Variants in INPP4B observed in about 807,000 individuals in gnomAD.
INPP4B encodes the protein inositol polyphosphate 4-phosphatase type II.
In INPP4B, 55 loss-of-function variants were observed where a neutral mutation model predicts 122.5. That is an observed-to-expected ratio of 0.45 (90% CI 0.36 to 0.56). INPP4B has a LOEUF of 0.56. INPP4B is among the 20% of genes least tolerant of loss of function. INPP4B has a pLI of 0.00. For missense variants in INPP4B, 1,000 were observed against 1,097.7 expected (o/e 0.91, Z 1.26); for synonymous variants, 403 against 388.7 (o/e 1.04, Z -0.43).
At chr4:142,382,854 G>A (rs1052502433) in intron 7 of INPP4B, among the ~76,000 whole-genome samples, 48 of 151,046 alleles carry the variant, frequency 3.2e-4, no homozygotes, top group Non-Finnish European at 3.7e-4. Context: ...TTTTCTCATC[G>A]TCTTTCCTAC....
At chr4:142,355,862 C>T in intron 7 of INPP4B, among the ~76,000 whole-genome samples, 1 of 146,736 alleles carries the variant, frequency 6.8e-6, no homozygotes, top group East Asian at 2.0e-4. Context: ...GGAGAGAAGC[C>T]TTTTTTTTTT....
chr4:142,514,818 C>T (rs1461382596), intron 2 of INPP4B, among the ~76,000 whole-genome samples: 3 of 118,624 alleles, frequency 2.5e-5, no homozygotes, highest in Non-Finnish European at 3.3e-5. Flanking sequence ...TTTTTTGAGA[C>T]GAAGTCTCAC....
intron 7 of INPP4B, among the ~76,000 whole-genome samples, chr4:142,367,316 T>A (rs2148644167): frequency 6.6e-6 from 1 of 151,864 alleles, no homozygotes; most frequent in South Asian, 2.1e-4. Flanking sequence ...ACAGTAAACT[T>A]TTTTAGGACA....
chr4:142,711,667 C>G (rs1763131680), intron 2 of INPP4B, among the ~76,000 whole-genome samples: 1 of 152,034 alleles, frequency 6.6e-6, no homozygotes, highest in African/African-American at 2.4e-5. Flanking sequence ...ACTTATTTGC[C>G]AGTGTATTAG....
chr4:142,178,921 T>G (rs1829554942), intron 15 of INPP4B, among the ~76,000 whole-genome samples: 1 of 151,746 alleles, frequency 6.6e-6, no homozygotes, highest in Non-Finnish European at 1.5e-5. Flanking sequence ...ATAATATGGA[T>G]CACAAAAGAA....
intron 2 of INPP4B, among the ~76,000 whole-genome samples, chr4:142,635,786 A>G (rs901326167): frequency 1.3e-5 from 2 of 152,132 alleles, no homozygotes; most frequent in African/African-American, 2.4e-5. Context: ...TGATGAAATA[A>G]TCTATACAAC....
At chr4:142,528,454 G>A (rs10019030) in intron 2 of INPP4B, among the ~76,000 whole-genome samples, 2,703 of 152,168 alleles carry the variant, frequency 0.018, 71 homozygotes, top group African/African-American at 0.06. Context: ...CTATTGGCTG[G>A]AGACCACTCT....
At position 142,111,345 on chromosome 4, in the gene INPP4B, C is replaced by A. The variant is rs141907428; in HGVS notation, c.2276+1197G>T. On this transcript the variant is annotated intron_variant, in intron 22 of 25. Transcript: ENST00000262992. The stretch of plus-strand genomic sequence containing the variant: ...ATATTTCAAAAGTATGTTCTATGAT[C>A]TTTTTTTGTTTGTTTTTTGAGACGG... 3.2e-3 allele frequency among the ~76,000 whole-genome samples: 493 copies of A among 152,032 alleles called. 3 individuals carry two copies. The highest frequency in any genetic ancestry group is 0.011 in the African/African-American group (460 of 41,518).
At chr4:142,539,429 C>A (rs1828672949) in intron 2 of INPP4B, among the ~76,000 whole-genome samples, 1 of 152,022 alleles carries the variant, frequency 6.6e-6, no homozygotes, top group Non-Finnish European at 1.5e-5. Context: ...TACTTGAGCT[C>A]AACTGCATTG....
chr4:142,546,819 T>C (rs1197476989), intron 2 of INPP4B, among the ~76,000 whole-genome samples: 1 of 152,130 alleles, frequency 6.6e-6, no homozygotes, highest in African/African-American at 2.4e-5. Flanking sequence ...GGATGCTGAA[T>C]TCCTAATACA....
intron 15 of INPP4B, among the ~76,000 whole-genome samples, chr4:142,183,569 CT>C (rs964976888): frequency 3.3e-3 from 10 of 3,004 alleles, no homozygotes; most frequent in Non-Finnish European, 0.023. Context: ...TTATAGATGA[CT>C]TTTCTGCTGT....
At chr4:142,316,362 G>T (rs1767657712) in intron 7 of INPP4B, among the ~76,000 whole-genome samples, 1 of 152,252 alleles carries the variant, frequency 6.6e-6, no homozygotes, top group East Asian at 1.9e-4. Context: ...TCATCAGCTG[G>T]CCTCAAAGGA....
At chr4:142,305,709 T>C (rs1220386983) in intron 8 of INPP4B, 172 bp from the exon 9 acceptor site, 1 of 1,441,490 alleles carries the variant, frequency 6.9e-7, no homozygotes, top group East Asian at 2.7e-5. Flanking sequence ...CCTCATGGGG[T>C]AGGATTAAAG....
intron 2 of INPP4B, among the ~76,000 whole-genome samples, chr4:142,519,905 T>A (rs970458769): frequency 6.6e-6 from 1 of 152,102 alleles, no homozygotes; most frequent in African/African-American, 2.4e-5. Flanking sequence ...GATACCTGAA[T>A]AATCTCTGTA....
intron 2 of INPP4B, among the ~76,000 whole-genome samples, chr4:142,531,529 G>T (rs1436867185): frequency 6.6e-6 from 1 of 152,022 alleles, no homozygotes; most frequent in Non-Finnish European, 1.5e-5. Flanking sequence ...GTGGACATTT[G>T]TGTCGTCTAT....
chr4:142,055,466 ATTGT>A (rs913734377), intron 25 of INPP4B, among the ~76,000 whole-genome samples: 3 of 152,038 alleles, frequency 2.0e-5, no homozygotes, highest in African/African-American at 7.2e-5. Flanking sequence ...GTTTTTTCCT[ATTGT>A]TTATCTGATT....
chr4:142,046,274 C>A (rs1474140296), intron 25 of INPP4B, among the ~76,000 whole-genome samples: 3 of 152,004 alleles, frequency 2.0e-5, no homozygotes, highest in African/African-American at 4.8e-5. Flanking sequence ...ATTTTAGGAA[C>A]AATATTTGTT....
intron 20 of INPP4B, 137 bp from the exon 21 acceptor site, chr4:142,122,382 T>A: frequency 6.0e-6 from 4 of 671,352 alleles, no homozygotes; most frequent in Non-Finnish European, 1.0e-5. Flanking sequence ...CTCTAGACAC[T>A]TTTCCTCAGA....
chr4:142,231,103 T>A (rs112672505), intron 12 of INPP4B, among the ~76,000 whole-genome samples: 5 of 152,302 alleles, frequency 3.3e-5, no homozygotes, highest in African/African-American at 7.2e-5. Flanking sequence ...GTATGTACCA[T>A]CTCAAATTTA....
Sources: gnomAD v4.1 joint callset for allele counts (sites outside exome capture counted in the v4.1 genomes callset) on GRCh38, gnomAD v4.1.1 for gene constraint, MANE v1.5 for transcripts, NCBI Gene and HGNC (gene_info 2026-07-23, HGNC 2026-07-21) for gene names.